The following TPR variants were observed in gnomAD, a reference collection of about 807,000 sequenced individuals.
TPR encodes the protein translocated promoter region, nuclear basket protein.
A neutral mutation model predicts 316.1 loss-of-function variants in TPR; 51 were observed. That is an observed-to-expected ratio of 0.16 (90% CI 0.13 to 0.20). TPR has a LOEUF of 0.20. Among genes scored for constraint, TPR ranks in the 10% least tolerant of loss-of-function variants. The pLI is 1.00. For missense variants in TPR, 2,272 were observed against 2,754.8 expected, an observed-to-expected ratio of 0.82 and a Z score of 3.92; for synonymous variants, 981 against 914.7, an observed-to-expected ratio of 1.07 and a Z score of -1.31.
chr1:186,358,344 T>C (rs1659087193), intron 13 of TPR, among the ~76,000 whole-genome samples, 199 bp downstream of exon 13: 1 of 152,084 alleles, frequency 6.6e-6, no homozygotes, highest in Admixed American at 6.6e-5. Context: ...ACACGTATAA[T>C]TTAAAAATTT....
At chr1:186,349,489 T>TAA (rs551272495) in intron 21 of TPR, among the ~76,000 whole-genome samples, 9 of 143,114 alleles carry the variant, frequency 6.3e-5, no homozygotes, top group African/African-American at 2.0e-4. Flanking sequence ...CCATCTCTAC[T>TAA]AAAAAAAAAA....
chr1:186,355,975 T>G (rs1659016222), intron 15 of TPR, among the ~76,000 whole-genome samples: 1 of 152,232 alleles, frequency 6.6e-6, no homozygotes, highest in Non-Finnish European at 1.5e-5. Flanking sequence ...ATTCAGTATT[T>G]ATGGGTTAAA....
At position 186,357,391 on chromosome 1, in the gene TPR, A is replaced by G. The variant is rs756730342; in HGVS notation, c.1724+6T>C. The G allele has an allele frequency of 1.1e-5, 17 of 1,612,974 alleles. No homozygotes were observed. Among genetic ancestry groups the G allele is most frequent in the Middle Eastern group, 1.6e-4 (1 of 6,084 alleles). On this transcript the variant is annotated splice_donor_region_variant and intron_variant, in intron 14 of 50. Transcript: ENST00000367478. ...GCTCAACAAGCTGAGGTATGTGACT[A>G]CTTACTTGGATGAAGTTGTTTCTTG...
intron 48 of TPR, 144 bp from the exon 49 acceptor site, chr1:186,317,744 A>G (rs937404119): frequency 4.3e-6 from 3 of 702,904 alleles, no homozygotes; most frequent in Non-Finnish European, 4.6e-6. Flanking sequence ...GTTACCATAT[A>G]TATTTTTCAA....
chr1:186,323,110 TA>T (rs1401687135), intron 43 of TPR, among the ~76,000 whole-genome samples: 1 of 152,174 alleles, frequency 6.6e-6, no homozygotes, highest in Non-Finnish European at 1.5e-5. Flanking sequence ...TACTATTTTA[TA>T]GGGAAAAACT....
chr1:186,372,012 A>C (rs1293683621), intron 2 of TPR, among the ~76,000 whole-genome samples: 2 of 152,164 alleles, frequency 1.3e-5, no homozygotes, highest in African/African-American at 4.8e-5. Context: ...TCTTTTTATT[A>C]TGGCTAGGCA....
At position 186,312,504 on chromosome 1, in the gene TPR, T is replaced by G; in HGVS notation, c.*1467A>C. On this transcript the variant is annotated 3_prime_UTR_variant, in exon 51 of 51. Transcript: ENST00000367478. ...TAATTTAAGCTTACTGATGAAAAAC[T>G]CATCCACTTGCCTTAGTGAATAACC... 1.0e-6 allele frequency: 1 copy of G among 955,856 alleles called. No individual in the cohort carries two copies. The highest frequency in any genetic ancestry group is 1.7e-5 in the South Asian group (1 of 58,492). 59.2% of individuals were successfully genotyped at this position (955,856 alleles called of 1,614,324 possible).
intron 45 of TPR, 63 bp from the exon 46 acceptor site, chr1:186,320,481 GA>G: frequency 2.2e-6 from 3 of 1,366,256 alleles, no homozygotes; most frequent in East Asian, 2.6e-5. Context: ...CCACAATGGT[GA>G]AAAAAATATA....
chr1:186,363,667 G>C (rs1220114539), intron 4 of TPR, among the ~76,000 whole-genome samples: 1 of 151,784 alleles, frequency 6.6e-6, no homozygotes, highest in Non-Finnish European at 1.5e-5. Flanking sequence ...AAAACTCAGA[G>C]ACCACAGACC....
intron 43 of TPR, among the ~76,000 whole-genome samples, chr1:186,323,329 C>A (rs2273776): frequency 0.091 from 13,864 of 152,096 alleles, 942 homozygotes; most frequent in East Asian, 0.38. Context: ...TTTATAAATA[C>A]GTGCACTGTA....
intron 5 of TPR, 112 bp from the exon 6 acceptor site, chr1:186,363,113 T>A: frequency 8.1e-7 from 1 of 1,229,806 alleles, no homozygotes; most frequent in Non-Finnish European, 1.1e-6. Flanking sequence ...AAACAGAAAT[T>A]AAGTATTTGC....
intron 45 of TPR, among the ~76,000 whole-genome samples, chr1:186,322,027 A>G (rs1657789763): frequency 6.6e-6 from 1 of 152,252 alleles, no homozygotes; most frequent in Admixed American, 6.5e-5. Flanking sequence ...ACCGCTAGTA[A>G]ACAGTAGAGT....
chr1:186,334,982 A>G, intron 35 of TPR, 86 bp downstream of exon 35: 1 of 1,366,676 alleles, frequency 7.3e-7, no homozygotes, highest in African/African-American at 1.5e-5. Context: ...GAATACACAG[A>G]TTTCTTTTTC....
At chr1:186,336,939 G>A (rs1436357891) in intron 32 of TPR, 74 bp downstream of exon 32, 19 of 1,586,590 alleles carry the variant, frequency 1.2e-5, no homozygotes, top group Admixed American at 5.1e-5. Context: ...AAGACAAAGT[G>A]TCAGTAGTTA....
intron 21 of TPR, among the ~76,000 whole-genome samples, chr1:186,349,401 C>T (rs1343211783): frequency 6.6e-6 from 1 of 152,110 alleles, no homozygotes; most frequent in Non-Finnish European, 1.5e-5. Flanking sequence ...CGCCTGTAAT[C>T]CCAGCACTTT....
Position 186,361,674 on chromosome 1 carries a change from T to C in TPR, c.906A>G (p.Glu302=). The C allele has an allele frequency of 1.2e-6, 2 of 1,613,534 alleles. No individual in the cohort carries two copies. Among genetic ancestry groups the C allele is most frequent in the Non-Finnish European group, 1.7e-6 (2 of 1,179,504 alleles). ...AADDSEAKSN[E]LTRAVEELHK... ...GTAGTTCCTCTACTGCCCGGGTTAG[T>C]TCATTGCTCTTTGCTTCTGAGTCAT... The change falls in exon 9 of 51, where the codon GAA becomes GAG. Residue 302 remains glutamate, a synonymous_variant. Transcript: ENST00000367478.
At chr1:186,332,447 C>A in intron 37 of TPR, 104 bp from the exon 38 acceptor site, 1 of 1,186,080 alleles carries the variant, frequency 8.4e-7, no homozygotes, top group Non-Finnish European at 1.2e-6. Flanking sequence ...ACACAGTAAA[C>A]ATTTAATTGT....
In TPR at chr1:186,355,702, G is replaced by T. The variant is rs747256939; in HGVS notation, c.1955C>A (p.Ser652Tyr). The change falls in exon 16 of 51, where the codon TCC (serine) becomes TAC (tyrosine). Residue 652 changes from serine (S) to tyrosine (Y), a missense_variant. Ser to Tyr is a moderately radical substitution (Grantham distance 144). Transcript: ENST00000367478. ...PKRPSTSQTV[S>Y]TPAPVPVIES... ...AATAACAGGTACTGGAGCAGGAGTG[G>T]AAACAGTCTGTGATGTACTTGGACG... The T allele has an allele frequency of 1.2e-6, 2 of 1,614,110 alleles. No individual in the cohort carries two copies. Among genetic ancestry groups the T allele is most frequent in the East Asian group, 4.5e-5 (2 of 44,852 alleles).
In TPR at chr1:186,338,235, G is replaced by A. The variant is rs1658398000; in HGVS notation, c.4160C>T (p.Ala1387Val). 1 of 1,593,720 alleles carries A rather than the reference G, an allele frequency of 6.3e-7. No individual in the cohort carries two copies. Among genetic ancestry groups the A allele is most frequent in the Non-Finnish European group, 8.5e-7 (1 of 1,173,888 alleles). Reference protein sequence around the residue: ...RLKAEIARSNASLTNNQNLIQ... With the variant: ...RLKAEIARSNVSLTNNQNLIQ... ...TAAGTTCTGGTTGTTAGTCAAAGATGCATTTGATCTTTAAAAAATGGAGGA... is the reference window on the plus strand; with the variant it reads ...TAAGTTCTGGTTGTTAGTCAAAGATACATTTGATCTTTAAAAAATGGAGGA... The change falls in exon 31 of 51, where the codon GCA becomes GTA. Residue 1387 changes from alanine (A) to valine (V), a missense_variant. This residue lies in a region of TPR where 96 missense variants were observed against 134.6 expected (regional missense o/e 0.71). Transcript: ENST00000367478.
Sources: allele counts gnomAD v4.1 joint callset (sites outside exome capture counted in the v4.1 genomes callset), GRCh38; gene constraint gnomAD v4.1.1; regional missense constraint gnomAD v4.1.1; transcripts MANE v1.5; gene names NCBI Gene and HGNC (gene_info 2026-07-23, HGNC 2026-07-21).